Variants in HRC observed in about 807,000 individuals in gnomAD.
HRC encodes histidine rich calcium binding protein.
In HRC, 41 loss-of-function variants were observed where a neutral mutation model predicts 61.4. That is an observed-to-expected ratio of 0.67 (90% CI 0.52 to 0.87). The LOEUF is 0.87. HRC is among the 40% of genes least tolerant of loss of function. The probability of loss-of-function intolerance (pLI) is 0.00; values close to 1 mark genes in which losing one functional copy is unlikely to be tolerated. For missense variants in HRC, 839 were observed against 885.8 expected (o/e 0.95, Z 0.67); for synonymous variants, 308 against 326.6 (o/e 0.94, Z 0.62).
At chr19:49,151,835 C>T in intron 4 of HRC, 169 bp downstream of exon 4, 1 of 689,414 alleles carries the variant, frequency 1.5e-6, no homozygotes, top group East Asian at 2.7e-5. Flanking sequence ...GCAACTCCAC[C>T]TGGTGTTCCT....
At chr19:49,151,958 GC>G (rs760298916) in intron 4 of HRC, 45 bp downstream of exon 4, 3 of 1,587,950 alleles carry the variant, frequency 1.9e-6, no homozygotes, top group African/African-American at 1.3e-5. Context: ...ACCACGCTGG[GC>G]CCGGCACCTT....
Position 49,151,222 on chromosome 19 carries a change from G to T in HRC, c.*74C>A. ...GTTTCGGGGAGCACGTTTATTCGGA[G>T]AAATAAATATAGCTCGTGGAAAGGG... is the stretch of plus-strand genomic sequence containing the variant. On this transcript the variant is annotated 3_prime_UTR_variant, in exon 6 of 6. Coordinates refer to ENST00000252825, the MANE Select transcript of HRC (RefSeq NM_002152.3). The T allele has an allele frequency of 7.8e-7, 1 of 1,287,756 alleles. No individual in the cohort carries two copies. Among genetic ancestry groups the T allele is most frequent in the East Asian group, 2.5e-5 (1 of 39,302 alleles). 79.8% of individuals were successfully genotyped at this position (1,287,756 alleles called of 1,614,324 possible). A position where few individuals can be genotyped will look rare whatever the true frequency, so the allele number is the denominator to read the frequency against.
Position 49,154,054 on chromosome 19 carries a change from T to C in HRC, c.1184A>G (p.Gln395Arg). ...TTCATCACTCTTGTGGCCTCGAGGT[T>C]GGTGGCTTGCAACATAGTGGCCGAA... is the stretch of plus-strand genomic sequence containing the variant. ...VQFGHYVASH[Q>R]PRGHKSDEED... Residue 395 changes from glutamine to arginine, a missense_variant, in exon 1 of 6, where the codon CAA becomes CGA. Transcript: ENST00000252825. 1 of 1,614,176 alleles carries C rather than the reference T, an allele frequency of 6.2e-7. No individual in the cohort carries two copies. The highest frequency in any genetic ancestry group is 8.5e-7 in the Non-Finnish European group (1 of 1,180,040).
rs146528509 is a variant in HRC, at chr19:49,154,878, A to G, written c.360T>C (p.Gly120=). The change falls in exon 1 of 6, where the codon GGT becomes GGC. Residue 120 remains glycine, a synonymous_variant. Transcript: ENST00000252825. The part of the protein sequence containing the change: ...DHKVGDEGVS[G]EEVFAEHGGQ... ...CACCATGCTCTGCAAAGACCTCCTCACCTGAGACACCCTCATCTCCGACTT... is the reference window on the plus strand; with the variant it reads ...CACCATGCTCTGCAAAGACCTCCTCGCCTGAGACACCCTCATCTCCGACTT... The G allele has an allele frequency of 9.9e-6, 16 of 1,613,338 alleles. No individual in the cohort carries two copies. The African/African-American group carries it at 1.7e-4, about 18-fold the overall frequency.
Position 49,154,961 on chromosome 19 carries a change from C to T in HRC, c.277G>A (p.Glu93Lys). ...WSHPDREKED[E>K]DVSKEYGHLL... is the part of the protein sequence containing the mutation. ...TGCCCATATTCCTTGGAGACATCTT[C>T]ATCCTCCTTTTCACGGTCTGGGTGG... The change falls in exon 1 of 6, where the codon GAA becomes AAA. Residue 93 changes from glutamate to lysine, a missense_variant. Glu to Lys is a moderately conservative substitution (Grantham distance 56). Transcript: ENST00000252825. 6.2e-7 allele frequency: 1 copy of T among 1,614,216 alleles called. No homozygotes were observed. The highest frequency in any genetic ancestry group is 8.5e-7 in the Non-Finnish European group (1 of 1,180,034).
chr19:49,153,854 T>C lies in HRC; in HGVS notation c.1384A>G (p.Ser462Gly), dbSNP rs757573208. The C allele has an allele frequency of 6.2e-7, 1 of 1,614,160 alleles. No individual in the cohort carries two copies. The highest frequency in any genetic ancestry group is 1.1e-5 in the South Asian group (1 of 91,072). The part of the protein sequence containing the change: ...HGQRGSIKEM[S>G]HHPPGHTVVK... ...ACTGTGTGTCCTGGGGGGTGATGGC[T>C]CATCTCTTTGATGGACCCTCTTTGA... Residue 462 changes from serine (S) to glycine (G), a missense_variant, in exon 1 of 6, where the codon AGC becomes GGC. Ser to Gly is a moderately conservative substitution (Grantham distance 56, BLOSUM62 0). Transcript: ENST00000252825. The surrounding 1 kb of genome is among the most constrained non-coding windows in gnomAD (Gnocchi z 4.8).
chr19:49,152,188 G>A (rs975808359), intron 3 of HRC, 122 bp downstream of exon 3: 1 of 1,258,252 alleles, frequency 7.9e-7, no homozygotes, highest in Non-Finnish European at 1.2e-6. Context: ...CGCTTGTGGA[G>A]TCAAGGTTGC....
chr19:49,151,961 C>G (rs772856720), intron 4 of HRC, 43 bp downstream of exon 4: 3 of 1,595,114 alleles, frequency 1.9e-6, no homozygotes, highest in East Asian at 2.2e-5. Flanking sequence ...ACGCTGGGCC[C>G]GGCACCTTCC....
At position 49,154,849 on chromosome 19, in the gene HRC, T is replaced by C. The variant is rs2041409586; in HGVS notation, c.389A>G (p.Gln130Arg). The C allele has an allele frequency of 6.2e-7, 1 of 1,614,062 alleles. No homozygotes were observed. The highest frequency in any genetic ancestry group is 8.5e-7 in the Non-Finnish European group (1 of 1,180,026). The change falls in exon 1 of 6, where the codon CAG (glutamine) becomes CGG (arginine). Residue 130 changes from glutamine (Q) to arginine (R), a missense_variant. Coordinates refer to ENST00000252825, the MANE Select transcript of HRC (RefSeq NM_002152.3). The part of the protein sequence containing the change: ...GEEVFAEHGG[Q>R]ARGHRGHGSE... Reference sequence around the variant, plus strand: ...CCCGTGGCCTCTGTGCCCACGGGCCTGCCCACCATGCTCTGCAAAGACCTC... The same window carrying C: ...CCCGTGGCCTCTGTGCCCACGGGCCCGCCCACCATGCTCTGCAAAGACCTC...
At chr19:49,152,094 G>A (rs766718945) in intron 3 of HRC, 36 bp from the exon 4 acceptor site, 15 of 1,591,910 alleles carry the variant, frequency 9.4e-6, no homozygotes, top group Middle Eastern at 1.7e-4. Context: ...GTGAGCGTGG[G>A]GCGTGGCCGG....
Position 49,154,632 on chromosome 19 carries a change from T to TTCCTCCTCCTCCTCCTCC in HRC, c.588_605dup (p.Glu199_Glu204dup). 2 of 1,579,330 alleles carry TTCCTCCTCCTCCTCCTCC rather than the reference T, an allele frequency of 1.3e-6. No individual in the cohort carries two copies. Among genetic ancestry groups the TTCCTCCTCCTCCTCCTCC allele is most frequent in the Non-Finnish European group, 8.7e-7 (1 of 1,154,974 alleles). On this transcript the variant is annotated inframe_insertion, in exon 1 of 6. Coordinates refer to ENST00000252825, the MANE Select transcript of HRC (RefSeq NM_002152.3). ...GTCCATACTCAGTGGAGGCCTCCTC[T>TTCCTCCTCCTCCTCCTCC]TCCTCCTCCTCCTCCTCCTCCTCCT... is the stretch of plus-strand genomic sequence containing the variant.
In HRC at chr19:49,154,477, T is replaced by C; in HGVS notation, c.761A>G (p.Asp254Gly). The C allele has an allele frequency of 6.3e-7, 1 of 1,584,492 alleles. No homozygotes were observed. Among genetic ancestry groups the C allele is most frequent in the Non-Finnish European group, 8.6e-7 (1 of 1,159,948 alleles). ...EEDDDDDDDD[D>G]DDDDDDDVSI... is the part of the protein sequence containing the mutation. ...GACATCATCATCATCATCATCATCATCATCATCATCATCATCATCGTCATC... is the reference window on the plus strand; with the variant it reads ...GACATCATCATCATCATCATCATCACCATCATCATCATCATCATCGTCATC... The change falls in exon 1 of 6, where the codon GAT (aspartate) becomes GGT (glycine). Residue 254 changes from aspartate to glycine, a missense_variant. Asp to Gly is a moderately conservative substitution (Grantham distance 94). Coordinates refer to ENST00000252825, the MANE Select transcript of HRC (RefSeq NM_002152.3).
Position 49,153,780 on chromosome 19 carries a change from C to T in HRC, c.1458G>A (p.Lys486=). The change falls in exon 1 of 6, where the codon AAG becomes AAA. Residue 486 remains lysine, a synonymous_variant. Transcript: ENST00000252825. This position sits in a 1 kb window ranked among gnomAD's most constrained non-coding sequence, Gnocchi z 4.8. ...HLRKDDSEEE[K]EKEEDPGSHE... Reference sequence around the variant, plus strand: ...GGGAGCCGGGGTCCTCTTCCTTCTCCTTTTCCTCCTCAGAATCATCCTTCC... The same window carrying T: ...GGGAGCCGGGGTCCTCTTCCTTCTCTTTTTCCTCCTCAGAATCATCCTTCC... 6.2e-7 allele frequency: 1 copy of T among 1,614,120 alleles called. No individual in the cohort carries two copies. Among genetic ancestry groups the T allele is most frequent in the Admixed American group, 1.7e-5 (1 of 60,008 alleles).
Position 49,152,004 on chromosome 19 carries a change from C to T in HRC, c.2026G>A (p.Gly676Arg). The change falls in exon 4 of 6, where the codon GGA (glycine) becomes AGA (arginine). Residue 676 changes from glycine (G) to arginine (R), a missense_variant and splice_region_variant. Gly to Arg is a moderately radical substitution (Grantham distance 125). Transcript: ENST00000252825. ...PLVCETVCAP[G>R]SYVDYFSSSL... ...TTTCCAGGGCCCCGCCCATGCTCAC[C>T]TGGAGCGCAGACCGTTTCGCAGACC... 1 of 1,614,194 alleles carries T rather than the reference C, an allele frequency of 6.2e-7. No individual in the cohort carries two copies. Among genetic ancestry groups the T allele is most frequent in the African/African-American group, 1.3e-5 (1 of 75,062 alleles).
In HRC at chr19:49,155,119, C is replaced by A. The variant is rs150731204; in HGVS notation, c.119G>T (p.Arg40Leu). The change falls in exon 1 of 6, where the codon CGG (arginine) becomes CTG (leucine). Residue 40 changes from arginine to leucine, a missense_variant. Physicochemically the swap from Arg to Leu is moderately radical, Grantham distance 102. Transcript: ENST00000252825. This position sits in a 1 kb window ranked among gnomAD's most constrained non-coding sequence, Gnocchi z 4.7. Reference sequence around the variant, plus strand: ...CCCGGCGACTCCAGTGCTGTTGTTCCGGTTTCTGAAGCCTAGCCCATCCCC... The same window carrying A: ...CCCGGCGACTCCAGTGCTGTTGTTCAGGTTTCTGAAGCCTAGCCCATCCCC... ...LRGDGLGFRN[R>L]NNSTGVAGLS... 2 of 1,614,082 alleles carry A rather than the reference C, an allele frequency of 1.2e-6. No individual in the cohort carries two copies. Among genetic ancestry groups the A allele is most frequent in the South Asian group, 1.1e-5 (1 of 91,082 alleles).
At position 49,153,776 on chromosome 19, in the gene HRC, TCTC is replaced by T. The variant is rs1364095649; in HGVS notation, c.1459_1461del (p.Glu487del). The T allele has an allele frequency of 1.2e-6, 2 of 1,613,930 alleles. No individual in the cohort carries two copies. The highest frequency in any genetic ancestry group is 1.7e-6 in the Non-Finnish European group (2 of 1,180,036). ...TCATGGGAGCCGGGGTCCTCTTCCT[TCTC>T]CTTTTCCTCCTCAGAATCATCCTTC... On this transcript the variant is annotated inframe_deletion, in exon 1 of 6. Coordinates refer to ENST00000252825, the MANE Select transcript of HRC (RefSeq NM_002152.3). This position sits in a 1 kb window ranked among gnomAD's most constrained non-coding sequence, Gnocchi z 4.8.
chr19:49,151,468 A>G, intron 5 of HRC, 49 bp downstream of exon 5: 1 of 1,602,624 alleles, frequency 6.2e-7, no homozygotes, highest in Non-Finnish European at 8.5e-7. Flanking sequence ...TAGCGAGACA[A>G]GCACTTCTCT....
chr19:49,152,523 C>G, intron 2 of HRC, 145 bp from the exon 3 acceptor site: 3 of 552,594 alleles, frequency 5.4e-6, no homozygotes, highest in Non-Finnish European at 9.3e-6. Context: ...GCCCCCCAAA[C>G]CAGCCTCCCC....
chr19:49,152,122 G>T, intron 3 of HRC, 64 bp from the exon 4 acceptor site: 1 of 1,474,810 alleles, frequency 6.8e-7, no homozygotes. Context: ...GTTAGGATGG[G>T]GCCGGGACCA....
Sources: gnomAD v4.1 joint callset for allele counts on GRCh38, gnomAD v4.1.1 for gene constraint, Gnocchi (gnomAD v3.1) non-coding constraint, MANE v1.5 for transcripts, NCBI Gene and HGNC (gene_info 2026-07-23, HGNC 2026-07-21) for gene names.